The following MED27 variants were observed in gnomAD, a reference collection of about 807,000 sequenced individuals.
The protein encoded by MED27 is mediator complex subunit 27.
MED27 carries 30 observed loss-of-function variants against 38.2 expected under a neutral mutation model. The observed-to-expected ratio is 0.79, with a 90% CI of 0.59 to 1.07. MED27 has a LOEUF of 1.07. MED27 is among the 50% of genes least tolerant of loss of function. The pLI, the probability that MED27 is intolerant of heterozygous loss-of-function variation, is 0.00. For missense variants in MED27, 289 were observed against 397.5 expected (o/e 0.73, Z 2.32); for synonymous variants, 122 against 153.5 (o/e 0.79, Z 1.52).
chr9:131,972,757 G>A (rs1831508399), intron 3 of MED27, among the ~76,000 whole-genome samples: 1 of 152,180 alleles, frequency 6.6e-6, no homozygotes, highest in South Asian at 2.1e-4. Flanking sequence ...CCAACACAGA[G>A]TAACCTACAG....
chr9:131,890,475 G>C (rs1328437667), intron 5 of MED27, among the ~76,000 whole-genome samples: 1 of 152,174 alleles, frequency 6.6e-6, no homozygotes. Flanking sequence ...GAGGGCCTGA[G>C]GTCTCCCTTT....
intron 2 of MED27, among the ~76,000 whole-genome samples, chr9:132,043,752 A>T (rs1025932965): frequency 2.0e-5 from 3 of 152,206 alleles, no homozygotes; most frequent in Non-Finnish European, 4.4e-5. Flanking sequence ...CCAAAGCTCT[A>T]CAGTATAGTA....
At chr9:131,886,530 G>A (rs1375918051) in intron 5 of MED27, among the ~76,000 whole-genome samples, 2 of 152,138 alleles carry the variant, frequency 1.3e-5, no homozygotes, top group African/African-American at 4.8e-5. Context: ...TCAGAAAGGT[G>A]GTGTCAATTG....
rs73553019 is a variant in MED27, at chr9:131,914,181, A to G, written c.574-20189T>C. ...AAACCCTATGGAAATCAGGCACTCA[A>G]AAAGTATTTGATGACAACGATGAAC... On this transcript the variant is annotated intron_variant, in intron 4 of 7. Coordinates refer to ENST00000292035, the MANE Select transcript of MED27 (RefSeq NM_004269.4). 1.6e-3 allele frequency among the ~76,000 whole-genome samples: 250 copies of G among 152,304 alleles called. 1 individual carries two copies. The highest frequency in any genetic ancestry group is 5.9e-3 in the African/African-American group (244 of 41,562).
At chr9:131,941,004 T>G (rs1830776137) in intron 3 of MED27, among the ~76,000 whole-genome samples, 1 of 152,192 alleles carries the variant, frequency 6.6e-6, no homozygotes, top group Admixed American at 6.5e-5. Flanking sequence ...CATGGGCCAA[T>G]TCTGCAAAAA....
At chr9:131,977,450 C>T (rs988457182) in intron 3 of MED27, among the ~76,000 whole-genome samples, 8 of 152,038 alleles carry the variant, frequency 5.3e-5, no homozygotes, top group Non-Finnish European at 1.2e-4. Flanking sequence ...AAGGAGTGTC[C>T]GACTCCTTGA....
chr9:132,077,772 T>C (rs1003184946), intron 1 of MED27, among the ~76,000 whole-genome samples, 186 bp from the exon 2 acceptor site: 2 of 151,654 alleles, frequency 1.3e-5, no homozygotes, highest in Non-Finnish European at 2.9e-5. Context: ...AGAGTTTATC[T>C]GACTTTAAAA....
At position 131,898,074 on chromosome 9, in the gene MED27, T is replaced by C. The variant is rs774069615; in HGVS notation, c.574-4082A>G. ...CTCCTTCCTCTGTATTACCTGCCAATTGATAATTAGATGAGATGCAGGTTT... is the reference window on the plus strand; with the variant it reads ...CTCCTTCCTCTGTATTACCTGCCAACTGATAATTAGATGAGATGCAGGTTT... On this transcript the variant is annotated intron_variant, in intron 4 of 7. Transcript: ENST00000292035. Among the ~76,000 whole-genome samples, 11 of 152,078 alleles carry C rather than the reference T, an allele frequency of 7.2e-5. 1 individual carries two copies. Among genetic ancestry groups the C allele is most frequent in the Non-Finnish European group, 1.3e-4 (9 of 68,020 alleles).
intron 2 of MED27, among the ~76,000 whole-genome samples, chr9:132,052,129 AG>A (rs1484180335): frequency 6.6e-6 from 1 of 152,110 alleles, no homozygotes; most frequent in East Asian, 1.9e-4. Flanking sequence ...GGGAACACCA[AG>A]GGGGAAAACG....
intron 4 of MED27, among the ~76,000 whole-genome samples, chr9:131,904,836 C>T (rs1437131687): frequency 6.6e-6 from 1 of 152,208 alleles, no homozygotes; most frequent in Non-Finnish European, 1.5e-5. Flanking sequence ...ACACAGTGGA[C>T]TAATCCATTT....
Position 132,079,667 on chromosome 9 carries a change from A to C in MED27, c.178T>G (p.Leu60Val), listed in dbSNP as rs1365677992. The change falls in exon 1 of 8, where the codon TTA becomes GTA. Residue 60 changes from leucine (L) to valine (V), a missense_variant. Leu to Val is a conservative substitution (Grantham distance 32, BLOSUM62 1). Transcript: ENST00000292035. ...TTGAGGTCCCGGTTGACCGAATGTA[A>C]GTTGTCCTGGAAGTGCGCAATAAAG... The part of the protein sequence containing the change: ...KAFIAHFQDN[L>V]HSVNRDLNEL... 2.5e-6 allele frequency: 4 copies of C among 1,612,626 alleles called. No homozygotes were observed. The South Asian group carries it at 4.4e-5, about 18-fold the overall frequency.
At chr9:132,005,793 GA>G (rs1281544768) in intron 3 of MED27, among the ~76,000 whole-genome samples, 1 of 152,142 alleles carries the variant, frequency 6.6e-6, no homozygotes, top group Non-Finnish European at 1.5e-5. Flanking sequence ...GGTCTTGCAG[GA>G]AAAAGGCAAA....
chr9:132,079,020 T>C lies in MED27; in HGVS notation c.203+622A>G, dbSNP rs1834115523. Among the ~76,000 whole-genome samples, 4 of 152,296 alleles carry C rather than the reference T, an allele frequency of 2.6e-5. 1 individual carries two copies. The South Asian group carries it at 8.3e-4, about 32-fold the overall frequency. On this transcript the variant is annotated intron_variant, in intron 1 of 7. Coordinates refer to ENST00000292035, the MANE Select transcript of MED27 (RefSeq NM_004269.4). ...AGCAGGGGCGTTAAGCATAAGTAAT[T>C]AAACTGGTTAAGAGATTAGAGAGTA...
intron 6 of MED27, among the ~76,000 whole-genome samples, chr9:131,880,854 C>T (rs1839023697): frequency 6.6e-6 from 1 of 151,960 alleles, no homozygotes; most frequent in Non-Finnish European, 1.5e-5. Context: ...CATTTTACAA[C>T]TTCCTAATAC....
chr9:132,008,826 G>A (rs1308958730), intron 3 of MED27, among the ~76,000 whole-genome samples: 2 of 152,214 alleles, frequency 1.3e-5, no homozygotes, highest in African/African-American at 4.8e-5. Context: ...TGCAGAGAAA[G>A]GTGTGTGAGG....
chr9:131,968,644 T>A (rs1175306827), intron 3 of MED27, among the ~76,000 whole-genome samples: 1 of 152,128 alleles, frequency 6.6e-6, no homozygotes, highest in Non-Finnish European at 1.5e-5. Context: ...TCTAAGTCCA[T>A]CTTTCTTCCC....
chr9:131,940,600 G>C (rs957718527), intron 3 of MED27, among the ~76,000 whole-genome samples: 1 of 152,052 alleles, frequency 6.6e-6, no homozygotes, highest in African/African-American at 2.4e-5. Flanking sequence ...ATTTTTAGTA[G>C]AGATGGAGTT....
chr9:131,955,553 A>G (rs888093116), intron 3 of MED27, among the ~76,000 whole-genome samples: 1 of 152,228 alleles, frequency 6.6e-6, no homozygotes, highest in African/African-American at 2.4e-5. Flanking sequence ...TAATTTATCA[A>G]TATCAGGAAT....
chr9:131,997,811 C>G lies in MED27; in HGVS notation c.479+16526G>C, dbSNP rs1293255088. Among the ~76,000 whole-genome samples, 1 of 152,196 alleles carries G rather than the reference C, an allele frequency of 6.6e-6. No individual in the cohort carries two copies. Among genetic ancestry groups the G allele is most frequent in the Non-Finnish European group, 1.5e-5 (1 of 68,028 alleles). ...AAAGCTGAGGCAAGTAACGGTACCT[C>G]TCAAAGGACAGCGTTCAAACTACAT... On this transcript the variant is annotated intron_variant, in intron 3 of 7. Transcript: ENST00000292035. This position sits in a 1 kb window ranked among gnomAD's most constrained non-coding sequence, Gnocchi z 4.0.
Sources: gnomAD v4.1 joint callset for allele counts (sites outside exome capture counted in the v4.1 genomes callset) on GRCh38, gnomAD v4.1.1 for gene constraint, Gnocchi (gnomAD v3.1) non-coding constraint, MANE v1.5 for transcripts, NCBI Gene and HGNC (gene_info 2026-07-23, HGNC 2026-07-21) for gene names.